The following TMEM131 variants were observed in gnomAD, a reference collection of about 807,000 sequenced individuals.
TMEM131 encodes the protein 2610524E03Rik.
In TMEM131, 66 loss-of-function variants were observed where a neutral mutation model predicts 211.6. The observed-to-expected ratio is 0.31, with a 90% CI of 0.26 to 0.38. TMEM131 has a LOEUF of 0.38. Among genes scored for constraint, TMEM131 ranks in the 10% least tolerant of loss-of-function variants. The probability of loss-of-function intolerance (pLI) is 1.00; values close to 1 mark genes in which losing one functional copy is unlikely to be tolerated. For synonymous variants in TMEM131, 844 were observed against 841.3 expected (o/e 1.00, Z -0.06); for missense variants, 2,036 against 2,299.3 (o/e 0.89, Z 2.34).
chr2:97,872,551 T>C (rs1674532014), intron 4 of TMEM131, among the ~76,000 whole-genome samples: 1 of 151,612 alleles, frequency 6.6e-6, no homozygotes, highest in Non-Finnish European at 1.5e-5. Context: ...GACTTCTACA[T>C]TTCCAACTGG....
intron 6 of TMEM131, among the ~76,000 whole-genome samples, chr2:97,842,841 C>T (rs2105103800): frequency 6.6e-6 from 1 of 152,236 alleles, no homozygotes; most frequent in African/African-American, 2.4e-5. Flanking sequence ...ATAGTCTTTT[C>T]ATTTACTCAA....
intron 31 of TMEM131, among the ~76,000 whole-genome samples, chr2:97,787,777 T>C (rs1478230779): frequency 6.6e-6 from 1 of 152,070 alleles, no homozygotes; most frequent in Non-Finnish European, 1.5e-5. Flanking sequence ...GCACCCAGAG[T>C]GTTGCATAAG....
At chr2:97,962,472 C>T (rs192053542) in intron 1 of TMEM131, among the ~76,000 whole-genome samples, 102 of 152,250 alleles carry the variant, frequency 6.7e-4, no homozygotes, top group African/African-American at 2.3e-3. Flanking sequence ...CCACTGCACT[C>T]CAGCCTGGGC....
In TMEM131 at chr2:97,756,838, T is replaced by G. The variant is rs776397323; in HGVS notation, c.*261A>C. On this transcript the variant is annotated 3_prime_UTR_variant, in exon 41 of 41. Coordinates refer to ENST00000186436, the MANE Select transcript of TMEM131 (RefSeq NM_015348.2). ...GAAAACGCAGTAACGGGAAAGGTTC[T>G]CAGATGTACAGGTCTTATTAGAGTT... The G allele has an allele frequency of 9.4e-6, 3 of 319,316 alleles. No homozygotes were observed. The highest frequency in any genetic ancestry group is 1.7e-5 in the Non-Finnish European group (3 of 176,824). 19.8% of individuals were successfully genotyped at this position (319,316 alleles called of 1,614,324 possible).
chr2:97,787,663 A>G (rs753876483), intron 31 of TMEM131, among the ~76,000 whole-genome samples: 4 of 152,188 alleles, frequency 2.6e-5, no homozygotes, highest in Non-Finnish European at 5.9e-5. Flanking sequence ...ATATGACTAT[A>G]TATTTTTGGT....
intron 1 of TMEM131, among the ~76,000 whole-genome samples, chr2:97,948,758 A>C (rs2309356): frequency 0.75 from 114,100 of 151,900 alleles, 44,552 homozygotes; most frequent in African/African-American, 0.87. Context: ...TCCAGGTCCA[A>C]GCCATTCTCC....
rs76578312 is a variant in TMEM131, at chr2:97,865,665, C to T, written c.360-6238G>A. Among the ~76,000 whole-genome samples the T allele has an allele frequency of 1.0e-3, 155 of 152,140 alleles. 2 individuals are homozygous for T. The East Asian group carries it at 0.016, about 16-fold the overall frequency. On this transcript the variant is annotated intron_variant, in intron 4 of 40. Coordinates refer to ENST00000186436, the MANE Select transcript of TMEM131 (RefSeq NM_015348.2). ...ATTAGCATTTTGTGGAGGATTTTTG[C>T]GTCTATATTCAGCAGAAGTATTTGT...
At position 97,830,132 on chromosome 2, in the gene TMEM131, T is replaced by TAAAA. The variant is rs60531384; in HGVS notation, c.1074+3229_1074+3232dup. ...TCTGAATTCTTCACTCATTATCAGT[T>TAAAA]AAAAAAAAAAAAAAAAAAAAAAAAC... On this transcript the variant is annotated intron_variant, in intron 11 of 40. Transcript: ENST00000186436. Among the ~76,000 whole-genome samples the TAAAA allele has an allele frequency of 4.8e-3, 346 of 72,300 alleles. 11 individuals are homozygous for TAAAA. Among genetic ancestry groups the TAAAA allele is most frequent in the African/African-American group, 5.9e-3 (103 of 17,588 alleles). The allele number at this position is 72,300 out of a possible 152,430, so 47.4% of individuals were successfully genotyped here.
rs376333410 is a variant in TMEM131, at chr2:97,859,352, T to C, written c.435A>G (p.Ser145=). 1.9e-6 allele frequency: 3 copies of C among 1,601,492 alleles called. No individual in the cohort carries two copies. The highest frequency in any genetic ancestry group is 2.7e-5 in the African/African-American group (2 of 74,232). ...GAAAATGTGATGTTGTAGCAGATAT[T>C]GATACTAAAGTAATCGTTTCTTCAG... ...PSSEETITLV[S]ISATTSHFHA... is the part of the protein sequence containing the mutation. Residue 145 remains serine (S), a synonymous_variant, in exon 5 of 41, where the codon TCA becomes TCG. Coordinates refer to ENST00000186436, the MANE Select transcript of TMEM131 (RefSeq NM_015348.2).
chr2:97,914,318 A>T (rs576086361), intron 2 of TMEM131, among the ~76,000 whole-genome samples: 1 of 152,318 alleles, frequency 6.6e-6, no homozygotes, highest in Non-Finnish European at 1.5e-5. Flanking sequence ...TGCAAACACT[A>T]TGGCATAACA....
At chr2:97,766,299 G>A in intron 34 of TMEM131, 36 bp from the exon 35 acceptor site, 1 of 1,612,412 alleles carries the variant, frequency 6.2e-7, no homozygotes, top group Non-Finnish European at 8.5e-7. Context: ...GGTTAATGGA[G>A]AATCATTCCT....
intron 5 of TMEM131, among the ~76,000 whole-genome samples, chr2:97,851,432 T>C (rs1408534566): frequency 6.6e-6 from 1 of 152,198 alleles, no homozygotes; most frequent in African/African-American, 2.4e-5. Context: ...GGAAATCCTG[T>C]TGGGTGTATC....
intron 28 of TMEM131, 145 bp from the exon 29 acceptor site, chr2:97,795,260 A>G (rs1680704938): frequency 1.8e-6 from 1 of 559,914 alleles, no homozygotes; most frequent in Non-Finnish European, 3.1e-6. Context: ...TTAAGATGAA[A>G]AAAGTATTGT....
intron 5 of TMEM131, among the ~76,000 whole-genome samples, chr2:97,846,244 T>C (rs972962828): frequency 6.6e-5 from 10 of 152,144 alleles, no homozygotes; most frequent in African/African-American, 2.4e-4. Context: ...ACATAAAGAC[T>C]TGAAAAGTAT....
rs6710103 is a variant in TMEM131, at chr2:97,885,440, C to T, written c.359+2612G>A. Among the ~76,000 whole-genome samples the T allele has an allele frequency of 2.7e-5, 4 of 150,772 alleles. No homozygotes were observed. In the South Asian group the frequency reaches 8.3e-4, roughly 31 times the overall value. On this transcript the variant is annotated intron_variant, in intron 4 of 40. Transcript: ENST00000186436. ...TGATCTCCTGACCTTGTGATCCGCC[C>T]GCCTCCCAAAGTGCTGGGATTACAG...
At position 97,802,693 on chromosome 2, in the gene TMEM131, G is replaced by T. The variant is rs374617299; in HGVS notation, c.2500C>A (p.Arg834=). ...TTAGTAAGTGGAAATTTCAAGTGCC[G>T]GGGTGAGCTAAGTATGGAAGGCCAG... ...LSWPSILSSP[R]HLKFPLTNTN... Residue 834 remains arginine (R), a synonymous_variant, in exon 23 of 41, where the codon CGG becomes AGG. Coordinates refer to ENST00000186436, the MANE Select transcript of TMEM131 (RefSeq NM_015348.2). The T allele has an allele frequency of 6.2e-6, 10 of 1,610,352 alleles. No homozygotes were observed. The highest frequency in any genetic ancestry group is 1.7e-4 in the Middle Eastern group (1 of 6,052).
intron 1 of TMEM131, among the ~76,000 whole-genome samples, chr2:97,979,171 T>C (rs1213940016): frequency 2.0e-5 from 3 of 152,336 alleles, no homozygotes; most frequent in African/African-American, 7.2e-5. Context: ...TAAACAGATG[T>C]GCTGTCATTC....
chr2:97,973,804 A>C (rs1679408953), intron 1 of TMEM131, among the ~76,000 whole-genome samples: 1 of 152,228 alleles, frequency 6.6e-6, no homozygotes, highest in South Asian at 2.1e-4. Context: ...TGTGGGGAAT[A>C]ATCAGTCCAA....
In TMEM131 at chr2:97,964,410, T is replaced by C. The variant is rs573020386; in HGVS notation, c.187+31066A>G. Among the ~76,000 whole-genome samples the C allele has an allele frequency of 1.3e-3, 195 of 152,354 alleles. 1 individual carries two copies. Among genetic ancestry groups the C allele is most frequent in the South Asian group, 1.7e-3 (8 of 4,828 alleles). ...CTCTTTAGAGTAAATTCAGTTCCAC[T>C]GCAAACAAATTGCAGGGAAATACAG... On this transcript the variant is annotated intron_variant, in intron 1 of 40. Transcript: ENST00000186436.
Sources: gnomAD v4.1 joint callset for allele counts (sites outside exome capture counted in the v4.1 genomes callset) on GRCh38, gnomAD v4.1.1 for gene constraint, MANE v1.5 for transcripts, NCBI Gene and HGNC (gene_info 2026-07-23, HGNC 2026-07-21) for gene names.